The following ZNF98 variants were observed in gnomAD, a reference collection of about 807,000 sequenced individuals.
The protein encoded by ZNF98 is zinc finger protein 739.
ZNF98 carries 8 observed loss-of-function variants against 12.8 expected under a neutral mutation model. That is an observed-to-expected ratio of 0.63 (90% CI 0.37 to 1.13). The LOEUF is 1.13. Among genes scored for constraint, ZNF98 ranks in the 50% most tolerant of loss-of-function variants. ZNF98 has a pLI of 0.01. For synonymous variants in ZNF98, 112 were observed against 223.5 expected (o/e 0.50, Z 4.45); for missense variants, 379 against 666.1 (o/e 0.57, Z 4.74).
chr19:22,397,445 G>A (rs570914925), intron 3 of ZNF98, among the ~76,000 whole-genome samples: 2 of 151,844 alleles, frequency 1.3e-5, no homozygotes, highest in Non-Finnish European at 2.9e-5. Context: ...TCAACACCAG[G>A]ACACACATGG....
At chr19:22,409,877 A>G (rs561835146) in intron 1 of ZNF98, among the ~76,000 whole-genome samples, 28 of 142,968 alleles carry the variant, frequency 2.0e-4, no homozygotes, top group African/African-American at 7.3e-4. Flanking sequence ...GCGCCACTGC[A>G]CTCCAGCCTG....
intron 1 of ZNF98, among the ~76,000 whole-genome samples, chr19:22,416,671 G>A (rs1053168490): frequency 1.3e-5 from 2 of 151,748 alleles, no homozygotes; most frequent in African/African-American, 4.8e-5. Flanking sequence ...AGAATCGCTT[G>A]AACCCAGGAG....
intron 1 of ZNF98, among the ~76,000 whole-genome samples, chr19:22,408,095 C>A (rs2145117469): frequency 6.6e-6 from 1 of 152,212 alleles, no homozygotes; most frequent in African/African-American, 2.4e-5. Flanking sequence ...AACTGATCCA[C>A]AACAATCAAG....
Position 22,391,023 on chromosome 19 carries a change from TG to T in ZNF98, c.*492del, listed in dbSNP as rs1371755876. On this transcript the variant is annotated 3_prime_UTR_variant, in exon 4 of 4. Transcript: ENST00000357774. The stretch of plus-strand genomic sequence containing the variant: ...TTCTAACCTGTAGTTTTTGAATAAA[TG>T]TTTTTTTCTAAATTTATTACATTTA... 6.5e-6 allele frequency: 1 copy of T among 154,096 alleles called. No homozygotes were observed. Among genetic ancestry groups the T allele is most frequent in the East Asian group, 1.9e-4 (1 of 5,212 alleles). The allele number at this position is 154,096 out of a possible 1,614,324, so 9.5% of individuals were successfully genotyped here. A position where few individuals can be genotyped will look rare whatever the true frequency, so the allele number is the denominator to read the frequency against.
chr19:22,411,815 A>C (rs1019687625), intron 1 of ZNF98, among the ~76,000 whole-genome samples: 1 of 152,240 alleles, frequency 6.6e-6, no homozygotes, highest in African/African-American at 2.4e-5. Context: ...GTCACTGGAC[A>C]TGTTCTTGAA....
At chr19:22,403,742 T>C (rs533427339) in intron 1 of ZNF98, among the ~76,000 whole-genome samples, 1 of 152,248 alleles carries the variant, frequency 6.6e-6, no homozygotes, top group East Asian at 1.9e-4. Context: ...GATACTTTTT[T>C]GGATGATGAA....
chr19:22,412,318 T>C (rs1472113201), intron 1 of ZNF98, among the ~76,000 whole-genome samples: 1 of 152,210 alleles, frequency 6.6e-6, no homozygotes, highest in East Asian at 1.9e-4. Context: ...TGCACTTGAA[T>C]TACTTTTGGG....
At chr19:22,420,085 C>T (rs10409792) in intron 1 of ZNF98, among the ~76,000 whole-genome samples, 2,585 of 152,226 alleles carry the variant, frequency 0.017, 72 homozygotes, top group African/African-American at 0.059. Context: ...ATCACTTGAA[C>T]GTGGGAGGCG....
chr19:22,421,390 C>T (rs562087142), intron 1 of ZNF98, among the ~76,000 whole-genome samples: 25 of 151,958 alleles, frequency 1.6e-4, no homozygotes, highest in Non-Finnish European at 3.1e-4. Context: ...TGCTTGGGAC[C>T]CATGTGAAAC....
chr19:22,408,501 T>C (rs1294532216), intron 1 of ZNF98, among the ~76,000 whole-genome samples: 3 of 152,152 alleles, frequency 2.0e-5, no homozygotes, highest in Non-Finnish European at 4.4e-5. Context: ...GGAAGTCAAA[T>C]TGTCTCTGTT....
Position 22,422,290 on chromosome 19 carries a change from G to A in ZNF98, c.-66C>T. 7 of 1,593,636 alleles carry A rather than the reference G, an allele frequency of 4.4e-6. No homozygotes were observed. Among genetic ancestry groups the A allele is most frequent in the Middle Eastern group, 1.7e-4 (1 of 5,980 alleles). On this transcript the variant is annotated 5_prime_UTR_variant, in exon 1 of 4. Coordinates refer to ENST00000357774, the MANE Select transcript of ZNF98 (RefSeq NM_001098626.2). ...CAGAGGCTGGGCCTCTACGAGCAGA[G>A]GACACAGAAGGGCGAAGACGAGACC...
At position 22,392,489 on chromosome 19, in the gene ZNF98, C is replaced by A; in HGVS notation, c.746G>T (p.Arg249Leu). The A allele has an allele frequency of 9.5e-6, 15 of 1,581,180 alleles. No homozygotes were observed. The highest frequency in any genetic ancestry group is 1.3e-5 in the Non-Finnish European group (15 of 1,164,096). Residue 249 changes from arginine (R) to leucine (L), a missense_variant, in exon 4 of 4, where the codon CGG (arginine) becomes CTG (leucine). Coordinates refer to ENST00000357774, the MANE Select transcript of ZNF98 (RefSeq NM_001098626.2). ...CTTATGTGTAGTAAGGTGTGAGAGC[C>A]GGTTAAAGGCTTTTCCACACTCTTC... ...KCEECGKAFNRLSHLTTHKII... is the reference protein window; with the variant it reads ...KCEECGKAFNLLSHLTTHKII...
chr19:22,401,862 T>A (rs994141947), intron 3 of ZNF98, among the ~76,000 whole-genome samples: 4 of 149,884 alleles, frequency 2.7e-5, no homozygotes, highest in African/African-American at 9.8e-5. Flanking sequence ...ATTCCAGTAT[T>A]TTTTTTTTAC....
chr19:22,393,147 C>T (rs1028906314), intron 3 of ZNF98, among the ~76,000 whole-genome samples, 166 bp from the exon 4 acceptor site: 19 of 152,112 alleles, frequency 1.2e-4, no homozygotes, highest in Non-Finnish European at 2.8e-4. Context: ...GAACAAATTA[C>T]ATTTCTGAAA....
Position 22,392,806 on chromosome 19 carries a change from G to C in ZNF98, c.429C>G (p.Asn143Lys). The stretch of plus-strand genomic sequence containing the variant: ...TGTTCTGGGTAGTTGTCAAACACTG[G>C]TTAAGTCCATTGTAACATTCTTTGT... ...KVHKECYNGL[N>K]QCLTTTQNKI... The change falls in exon 4 of 4, where the codon AAC becomes AAG. Residue 143 changes from asparagine (N) to lysine (K), a missense_variant. Physicochemically the swap from Asn to Lys is moderately conservative, Grantham distance 94 (BLOSUM62 0). Coordinates refer to ENST00000357774, the MANE Select transcript of ZNF98 (RefSeq NM_001098626.2). 1.2e-6 allele frequency: 2 copies of C among 1,612,644 alleles called. No individual in the cohort carries two copies. The highest frequency in any genetic ancestry group is 1.7e-6 in the Non-Finnish European group (2 of 1,179,566).
chr19:22,417,339 A>AGATTGTGGTCCCTGCAC (rs2145123294), intron 1 of ZNF98, among the ~76,000 whole-genome samples: 1 of 152,198 alleles, frequency 6.6e-6, no homozygotes, highest in Non-Finnish European at 1.5e-5. Flanking sequence ...GTTAGAGGAC[A>AGATTGTGGTCCCTGCAC]AAGAGGATCA....
At chr19:22,394,513 A>T (rs76677253) in intron 3 of ZNF98, among the ~76,000 whole-genome samples, 4,592 of 152,272 alleles carry the variant, frequency 0.03, 206 homozygotes, top group African/African-American at 0.1. Flanking sequence ...TTCATGAAAA[A>T]GGATGAGTTC....
At position 22,422,285 on chromosome 19, in the gene ZNF98, G is replaced by GC; in HGVS notation, c.-62dup. ...GGCCACAGAGGCTGGGCCTCTACGAGCAGAGGACACAGAAGGGCGAAGACG... is the reference window on the plus strand; with the variant it reads ...GGCCACAGAGGCTGGGCCTCTACGAGCCAGAGGACACAGAAGGGCGAAGACG... On this transcript the variant is annotated 5_prime_UTR_variant, in exon 1 of 4. Coordinates refer to ENST00000357774, the MANE Select transcript of ZNF98 (RefSeq NM_001098626.2). 3.1e-6 allele frequency: 5 copies of GC among 1,598,950 alleles called. No homozygotes were observed. The highest frequency in any genetic ancestry group is 3.4e-6 in the Non-Finnish European group (4 of 1,168,244).
At chr19:22,418,833 C>T (rs781052570) in intron 1 of ZNF98, among the ~76,000 whole-genome samples, 22 of 152,164 alleles carry the variant, frequency 1.4e-4, no homozygotes, top group Non-Finnish European at 2.4e-4. Flanking sequence ...AGTGAGTGAT[C>T]GCACCACTGC....
Sources: gnomAD v4.1 joint callset for allele counts (sites outside exome capture counted in the v4.1 genomes callset) on GRCh38, gnomAD v4.1.1 for gene constraint, MANE v1.5 for transcripts, NCBI Gene and HGNC (gene_info 2026-07-23, HGNC 2026-07-21) for gene names.